The following SPTAN1 variants were observed in gnomAD, a reference collection of about 807,000 sequenced individuals.
The protein encoded by SPTAN1 is spectrin alpha, non-erythrocytic 1, also known as spectrin alpha chain, non-erythrocytic 1.
A neutral mutation model predicts 331.3 loss-of-function variants in SPTAN1; 61 were observed. That is an observed-to-expected ratio of 0.18 (90% CI 0.15 to 0.23). The LOEUF is 0.23. Among genes scored for constraint, SPTAN1 ranks in the 10% least tolerant of loss-of-function variants. SPTAN1 has a pLI of 1.00. For synonymous variants in SPTAN1, 1,153 were observed against 1,173.9 expected (o/e 0.98, Z 0.36); for missense variants, 2,043 against 3,147.9 (o/e 0.65, Z 8.40).
chr9:128,578,611 A>G (rs1431334084), intron 9 of SPTAN1, among the ~76,000 whole-genome samples: 1 of 152,132 alleles, frequency 6.6e-6, no homozygotes, highest in Non-Finnish European at 1.5e-5. Context: ...CGGGTGGATC[A>G]TGAGGTCAAG....
chr9:128,625,869 A>G lies in SPTAN1; in HGVS notation c.6170A>G (p.Lys2057Arg). ...CTCGCCGCCAAACACGTTCAGTCCAAGGCCATCGAGGCCCGGCACGCCTCC... is the reference window on the plus strand; with the variant it reads ...CTCGCCGCCAAACACGTTCAGTCCAGGGCCATCGAGGCCCGGCACGCCTCC... ...QLLAAKHVQS[K>R]AIEARHASLM... Residue 2057 changes from lysine (K) to arginine (R), a missense_variant, in exon 48 of 57, where the codon AAG becomes AGG. Lys to Arg is a conservative substitution (Grantham distance 26). Transcript: ENST00000372739. This position sits in a 1 kb window ranked among gnomAD's most constrained non-coding sequence, Gnocchi z 4.1. The G allele has an allele frequency of 6.2e-7, 1 of 1,614,194 alleles. No homozygotes were observed. The highest frequency in any genetic ancestry group is 8.5e-7 in the Non-Finnish European group (1 of 1,180,022).
intron 20 of SPTAN1, among the ~76,000 whole-genome samples, chr9:128,587,966 C>T (rs558009277): frequency 1.1e-4 from 16 of 152,144 alleles, no homozygotes; most frequent in African/African-American, 3.9e-4. Context: ...CTGACTCAGC[C>T]TCCTGAGTAG....
At chr9:128,580,147 G>A (rs544130260) in intron 10 of SPTAN1, among the ~76,000 whole-genome samples, 5 of 151,982 alleles carry the variant, frequency 3.3e-5, no homozygotes, top group African/African-American at 1.2e-4. Context: ...ACCCCCATCT[G>A]GACAAAAAAT....
chr9:128,555,240 T>C (rs930581427), intron 1 of SPTAN1: 2 of 740,464 alleles, frequency 2.7e-6, no homozygotes, highest in African/African-American at 3.7e-5. Flanking sequence ...ATATCTGAAA[T>C]TGGATTTTTA....
At chr9:128,631,230 G>A (rs1859670803) in intron 52 of SPTAN1, among the ~76,000 whole-genome samples, 1 of 149,694 alleles carries the variant, frequency 6.7e-6, no homozygotes, top group Non-Finnish European at 1.5e-5. Flanking sequence ...AGCCGAGGCG[G>A]GTGGATTGCT....
chr9:128,566,652 T>C (rs1367829632), intron 1 of SPTAN1, 86 bp from the exon 2 acceptor site: 1 of 1,588,842 alleles, frequency 6.3e-7, no homozygotes, highest in East Asian at 2.2e-5. Flanking sequence ...TATCTGATAA[T>C]TATTTCTTTC....
In SPTAN1 at chr9:128,591,551, C is replaced by G. The variant is rs749251486; in HGVS notation, c.3081C>G (p.Ala1027=). ...PAAYVKKLDP[A]QSASRENLLE... Reference sequence around the variant, plus strand: ...CGTACGTGAAGAAATTGGACCCCGCCCAGTCAGCCTCCCGGGAGAATCTCC... The same window carrying G: ...CGTACGTGAAGAAATTGGACCCCGCGCAGTCAGCCTCCCGGGAGAATCTCC... The change falls in exon 22 of 57, where the codon GCC becomes GCG. Residue 1027 remains alanine (A), a synonymous_variant. Transcript: ENST00000372739. The G allele has an allele frequency of 1.9e-6, 3 of 1,614,180 alleles. No homozygotes were observed. The Admixed American group carries it at 5.0e-5, about 27-fold the overall frequency.
At chr9:128,631,941 C>T (rs1859816942) in intron 52 of SPTAN1, 186 bp from the exon 53 acceptor site, 2 of 632,418 alleles carry the variant, frequency 3.2e-6, no homozygotes, top group South Asian at 2.0e-5. Context: ...AAAGTCTCTC[C>T]CTCTATTGAG....
At chr9:128,623,128 T>C (rs1482046703) in intron 45 of SPTAN1, among the ~76,000 whole-genome samples, 2 of 152,074 alleles carry the variant, frequency 1.3e-5, no homozygotes, top group Non-Finnish European at 2.9e-5. Flanking sequence ...CGATCTCGGC[T>C]CACTGTAGCC....
chr9:128,565,537 G>A (rs899571955), intron 1 of SPTAN1, among the ~76,000 whole-genome samples: 3 of 152,212 alleles, frequency 2.0e-5, no homozygotes, highest in African/African-American at 7.2e-5. Context: ...GGCACAGACA[G>A]TGCCTTCCTA....
intron 37 of SPTAN1, among the ~76,000 whole-genome samples, chr9:128,609,931 G>A (rs975023167): frequency 2.6e-5 from 4 of 152,160 alleles, no homozygotes; most frequent in African/African-American, 9.7e-5. Context: ...TTGATTTGCG[G>A]GGCAGTAATT....
intron 5 of SPTAN1, 120 bp downstream of exon 5, chr9:128,575,465 T>C: frequency 4.4e-6 from 5 of 1,127,188 alleles, no homozygotes; most frequent in Non-Finnish European, 6.5e-6. Context: ...TTTGTAAGCA[T>C]GTCTGAGAGT....
rs191761167 is a variant in SPTAN1, at chr9:128,583,934, C to T, written c.2158C>T (p.His720Tyr). ...CAATGTGCAGAACCTCCAGAAGAAACATGCACTGCTAGAGGCAGATGTGGC... is the reference window on the plus strand; with the variant it reads ...CAATGTGCAGAACCTCCAGAAGAAATATGCACTGCTAGAGGCAGATGTGGC... Reference protein sequence around the residue: ...LTNVQNLQKKHALLEADVAAH... With the variant: ...LTNVQNLQKKYALLEADVAAH... Residue 720 changes from histidine to tyrosine, a missense_variant, in exon 16 of 57, where the codon CAT becomes TAT. His to Tyr is a moderately conservative substitution (Grantham distance 83, BLOSUM62 2). This residue lies in a region of SPTAN1 where 1,038 missense variants were observed against 1,531.5 expected (regional missense o/e 0.68). Coordinates refer to ENST00000372739, the MANE Select transcript of SPTAN1 (RefSeq NM_001130438.3). 2 of 1,614,080 alleles carry T rather than the reference C, an allele frequency of 1.2e-6. No homozygotes were observed. The highest frequency in any genetic ancestry group is 8.5e-7 in the Non-Finnish European group (1 of 1,180,042).
At chr9:128,589,549 T>C (rs190430347) in intron 21 of SPTAN1, among the ~76,000 whole-genome samples, 1 of 149,324 alleles carries the variant, frequency 6.7e-6, no homozygotes, top group East Asian at 2.0e-4. Context: ...GTGCTGGGAT[T>C]ACAGGCATGA....
At chr9:128,574,861 G>T (rs1260436315) in intron 4 of SPTAN1, 46 bp downstream of exon 4, 1 of 1,613,410 alleles carries the variant, frequency 6.2e-7, no homozygotes, top group East Asian at 2.2e-5. Flanking sequence ...TCAAAGAAAA[G>T]GGAAGAGACT....
At chr9:128,578,705 T>G (rs961409069) in intron 9 of SPTAN1, among the ~76,000 whole-genome samples, 1 of 152,000 alleles carries the variant, frequency 6.6e-6, no homozygotes, top group Non-Finnish European at 1.5e-5. Context: ...GGCACGCGCC[T>G]GTAGTCCCAG....
chr9:128,601,608 C>T (rs370618630), intron 27 of SPTAN1, among the ~76,000 whole-genome samples: 2 of 152,062 alleles, frequency 1.3e-5, no homozygotes, highest in African/African-American at 4.8e-5. Flanking sequence ...AGTAGGCCTT[C>T]TCCTCATTAG....
Position 128,613,332 on chromosome 9 carries a change from TG to T in SPTAN1, c.5044-48del, listed in dbSNP as rs761941262. 7.2e-6 allele frequency: 11 copies of T among 1,527,572 alleles called. No homozygotes were observed. In the South Asian group the frequency reaches 1.2e-4, roughly 17 times the overall value. 94.6% of individuals were successfully genotyped at this position (1,527,572 alleles called of 1,614,324 possible). ...GGGCAACCTGAATTTTCCAGAATGCTGAGTATACACCACACAGTAGCCTTTG... is the reference window on the plus strand; with the variant it reads ...GGGCAACCTGAATTTTCCAGAATGCTAGTATACACCACACAGTAGCCTTTG... On this transcript the variant is annotated intron_variant, in intron 39 of 56. Coordinates refer to ENST00000372739, the MANE Select transcript of SPTAN1 (RefSeq NM_001130438.3).
intron 25 of SPTAN1, 169 bp downstream of exon 25, chr9:128,598,673 C>G (rs1463718372): frequency 1.4e-6 from 1 of 706,798 alleles, no homozygotes; most frequent in Non-Finnish European, 2.5e-6. Flanking sequence ...TTCTTTATAC[C>G]CATATCCCTC....
Sources: gnomAD v4.1 joint callset for allele counts (sites outside exome capture counted in the v4.1 genomes callset) on GRCh38, gnomAD v4.1.1 for gene constraint, gnomAD v4.1.1 regional missense constraint, Gnocchi (gnomAD v3.1) non-coding constraint, MANE v1.5 for transcripts, NCBI Gene and HGNC (gene_info 2026-07-23, HGNC 2026-07-21) for gene names.